Variants in FAM107B observed in about 807,000 individuals in gnomAD.
FAM107B encodes the protein protein FAM107B.
Under a neutral mutation model 31.5 loss-of-function variants are expected in FAM107B, and 21 were observed. The ratio of observed to expected loss-of-function variants is 0.67; its 90% confidence interval spans 0.47 to 0.96. FAM107B has a LOEUF of 0.96. FAM107B is among the 40% of genes least tolerant of loss of function. The pLI, the probability that FAM107B is intolerant of heterozygous loss-of-function variation, is 0.00. For synonymous variants in FAM107B, 157 were observed against 141.5 expected (o/e 1.11, Z -0.78); for missense variants, 452 against 377.1 (o/e 1.20, Z -1.64).
Position 14,564,003 on chromosome 10 carries a change from G to C in FAM107B, c.470-33488C>G, listed in dbSNP as rs11259190. On this transcript the variant is annotated intron_variant, in intron 2 of 4. Coordinates refer to ENST00000181796, the MANE Select transcript of FAM107B (RefSeq NM_031453.4). ...AGTAAGGTTATTCTTCATTATAAAT[G>C]GCCTTTTTATTAGTATGTAACAGGT... 2.0e-3 allele frequency among the ~76,000 whole-genome samples: 309 copies of C among 151,766 alleles called. 1 individual carries two copies. The highest frequency in any genetic ancestry group is 7.0e-3 in the African/African-American group (288 of 41,382).
intron 2 of FAM107B, chr10:14,572,481 T>C (rs950411480): frequency 2.4e-6 from 2 of 848,108 alleles, no homozygotes; most frequent in African/African-American, 3.7e-5. Flanking sequence ...CCAATCAGAA[T>C]GGCCCTCCTG....
intron 1 of FAM107B, among the ~76,000 whole-genome samples, chr10:14,710,990 G>A (rs1855633683): frequency 7.5e-6 from 1 of 133,410 alleles, no homozygotes; most frequent in Admixed American, 7.1e-5. Flanking sequence ...TCAGCTCACT[G>A]CAACCTCTGC....
intron 1 of FAM107B, among the ~76,000 whole-genome samples, chr10:14,696,362 T>C (rs1409206808): frequency 6.6e-6 from 1 of 152,220 alleles, no homozygotes; most frequent in East Asian, 1.9e-4. Flanking sequence ...ATGTAAAATC[T>C]TTTTGATGTA....
chr10:14,767,457 A>C (rs1409074034), intron 1 of FAM107B, among the ~76,000 whole-genome samples: 6 of 152,098 alleles, frequency 3.9e-5, no homozygotes, highest in Non-Finnish European at 8.8e-5. Flanking sequence ...CAGCATATTA[A>C]AAAGATTACA....
intron 2 of FAM107B, among the ~76,000 whole-genome samples, chr10:14,569,525 A>G (rs1052833802): frequency 2.0e-5 from 3 of 152,228 alleles, no homozygotes; most frequent in Middle Eastern, 3.2e-3. Flanking sequence ...CTTTAGCATC[A>G]TTTAGAAAAA....
intron 2 of FAM107B, among the ~76,000 whole-genome samples, chr10:14,652,065 T>C (rs1267494528): frequency 6.6e-6 from 1 of 152,164 alleles, no homozygotes; most frequent in Non-Finnish European, 1.5e-5. Flanking sequence ...GTTCGAGGGA[T>C]GTTTGTTGTC....
intron 1 of FAM107B, among the ~76,000 whole-genome samples, chr10:14,674,951 G>A (rs114959440): frequency 2.0e-5 from 3 of 151,910 alleles, no homozygotes; most frequent in Non-Finnish European, 4.4e-5. Flanking sequence ...GTTGTGCTCC[G>A]AAAGTGCTGG....
chr10:14,534,743 G>C (rs879537811), intron 2 of FAM107B: 2 of 152,286 alleles, frequency 1.3e-5, no homozygotes, highest in Admixed American at 1.3e-4. Context: ...GATGTTCTTT[G>C]TTCTTTTTTC....
chr10:14,645,915 A>G (rs184964403), intron 2 of FAM107B, among the ~76,000 whole-genome samples: 1 of 152,290 alleles, frequency 6.6e-6, no homozygotes, highest in Admixed American at 6.5e-5. Flanking sequence ...TAATGAATGA[A>G]AGGTTAACAA....
chr10:14,628,112 G>GGTTTTTTTTGTTTTTTTTTTTTTTTTTT (rs1440347763), intron 2 of FAM107B, among the ~76,000 whole-genome samples: 3 of 92,686 alleles, frequency 3.2e-5, no homozygotes, highest in East Asian at 4.4e-4. Context: ...TGTTTTGCTG[G>GGTTTTTTTTGTTTTTTTTTTTTTTTTTT]TTTTTTTTTT....
intron 2 of FAM107B, among the ~76,000 whole-genome samples, chr10:14,546,266 A>AAG (rs1848682530): frequency 6.6e-6 from 1 of 152,234 alleles, no homozygotes; most frequent in Admixed American, 6.5e-5. Context: ...GACTAGGACC[A>AAG]AGATTGGAGT....
intron 1 of FAM107B, among the ~76,000 whole-genome samples, chr10:14,682,972 G>T (rs1854875706): frequency 1.3e-5 from 2 of 152,122 alleles, no homozygotes; most frequent in Non-Finnish European, 2.9e-5. Context: ...GACATAAGGG[G>T]TCCTCCTGCA....
chr10:14,683,087 A>C (rs1473824930), intron 1 of FAM107B, among the ~76,000 whole-genome samples: 1 of 152,112 alleles, frequency 6.6e-6, no homozygotes, highest in Non-Finnish European at 1.5e-5. Context: ...CTAAAGGTGC[A>C]ATGTGTACTT....
chr10:14,549,137 T>C lies in FAM107B; in HGVS notation c.470-18622A>G, dbSNP rs138974925. 9.4e-3 allele frequency among the ~76,000 whole-genome samples: 1,431 copies of C among 152,292 alleles called. 33 individuals carry two copies. The highest frequency in any genetic ancestry group is 0.011 in the Non-Finnish European group (719 of 68,030). ...ATCTGCTGGCACCTTGATCTAGGAC[T>C]TCTAGCCTCCACAAGTGTGAGGAAA... On this transcript the variant is annotated intron_variant, in intron 2 of 4. Coordinates refer to ENST00000181796, the MANE Select transcript of FAM107B (RefSeq NM_031453.4).
intron 2 of FAM107B, chr10:14,604,523 C>G (rs1852532880): frequency 6.6e-6 from 1 of 151,616 alleles, no homozygotes; most frequent in Admixed American, 6.6e-5. Context: ...CCACGGCTCG[C>G]GCGCGTCGGG....
chr10:14,748,783 A>G (rs574326394), intron 1 of FAM107B, among the ~76,000 whole-genome samples: 1 of 152,248 alleles, frequency 6.6e-6, no homozygotes, highest in African/African-American at 2.4e-5. Context: ...CTCCATTTCT[A>G]TTGCTTGCAA....
chr10:14,629,733 T>C (rs1853304146), intron 2 of FAM107B, among the ~76,000 whole-genome samples: 1 of 150,604 alleles, frequency 6.6e-6, no homozygotes, highest in African/African-American at 2.4e-5. Flanking sequence ...CAGGATGGTC[T>C]TGATCTCCTG....
chr10:14,713,711 A>G lies in FAM107B; in HGVS notation c.412-46020T>C, dbSNP rs73586458. Among the ~76,000 whole-genome samples, 427 of 152,342 alleles carry G rather than the reference A, an allele frequency of 2.8e-3. 2 individuals are homozygous for G. Among genetic ancestry groups the G allele is most frequent in the African/African-American group, 9.9e-3 (412 of 41,560 alleles). ...ACAAAGCCACATGTCAACCTTGAAA[A>G]AAACAGACATATGTACATGTATGTT... On this transcript the variant is annotated intron_variant, in intron 1 of 4. Transcript: ENST00000181796.
chr10:14,629,423 AT>A (rs1853277844), intron 2 of FAM107B, among the ~76,000 whole-genome samples: 1 of 1,710 alleles, frequency 5.8e-4, no homozygotes, highest in Admixed American at 0.014. Flanking sequence ...TATATAATAT[AT>A]ATAATATATA....
Sources: gnomAD v4.1 joint callset for allele counts (sites outside exome capture counted in the v4.1 genomes callset) on GRCh38, gnomAD v4.1.1 for gene constraint, MANE v1.5 for transcripts, NCBI Gene and HGNC (gene_info 2026-07-23, HGNC 2026-07-21) for gene names.